The following ATAD3A variants were observed in gnomAD, a reference collection of about 807,000 sequenced individuals.
ATAD3A encodes the protein ATPase family AAA domain-containing protein 3A.
ATAD3A carries 46 observed loss-of-function variants against 73.8 expected under a neutral mutation model. The ratio of observed to expected loss-of-function variants is 0.62; its 90% CI spans 0.49 to 0.80. The LOEUF (loss-of-function observed/expected upper bound fraction) is 0.80. Ranked by LOEUF, ATAD3A falls within the 30% of genes least tolerant of loss-of-function variation. The pLI is 0.00. For synonymous variants in ATAD3A, 319 were observed against 350.0 expected, an observed-to-expected ratio of 0.91 and a Z score of 0.99; for missense variants, 705 against 838.0, an observed-to-expected ratio of 0.84 and a Z score of 1.96.
chr1:1,529,088 G>A lies in ATAD3A; in HGVS notation c.1506-135G>A, dbSNP rs1272177522. 3 of 1,350,324 alleles carry A rather than the reference G, an allele frequency of 2.2e-6. No individual in the cohort carries two copies. The Admixed American group carries it at 6.1e-5, about 28-fold the overall frequency. The allele number at this position is 1,350,324 out of a possible 1,614,324, so 83.6% of individuals were successfully genotyped here. A position where few individuals can be genotyped will look rare whatever the true frequency, so the allele number is the denominator to read the frequency against. On this transcript the variant is annotated intron_variant, in intron 14 of 15. Transcript: ENST00000378756. ...CTGCAGCAGGGAGGATGTGGAGCTG[G>A]GCTGTCAGAAGTAGAGAGCCCCTCC...
rs546652129 is a variant in ATAD3A at position 1,527,976 on chromosome 1, T to G, written c.1505+114T>G. The G allele has an allele frequency of 4.3e-5, 49 of 1,132,024 alleles. No individual in the cohort carries two copies. In the African/African-American group the frequency reaches 7.0e-4, roughly 16 times the overall value. 70.1% of individuals were successfully genotyped at this position (1,132,024 alleles called of 1,614,324 possible). A position where few individuals can be genotyped will look rare whatever the true frequency, so the allele number is the denominator to read the frequency against. ...AACATTCCTTTTTTTTTTTTTTTTT[T>G]GAGACAAAGTCTCATTCTTGTCGCC... On this transcript the variant is annotated intron_variant, in intron 14 of 15. Coordinates refer to ENST00000378756, the MANE Select transcript of ATAD3A (RefSeq NM_001170535.3).
At position 1,524,381 on chromosome 1, in the gene ATAD3A, A is replaced by G. The variant is rs747303116; in HGVS notation, c.1198A>G (p.Asn400Asp). Residue 400 changes from asparagine (N) to aspartate (D), a missense_variant, in exon 11 of 16, where the codon AAT becomes GAT. Asn to Asp is a conservative substitution (Grantham distance 23). Around this residue, in one of 5 missense-constraint regions of ATAD3A, gnomAD observed 252 missense variants for 278.5 expected, o/e 0.90. Transcript: ENST00000378756. ...CATGCACAAGCTCTTTGACTGGGCC[A>G]ATACCAGCCGGCGCGGGTGAGACGT... ...TAMHKLFDWA[N>D]TSRRGLLLFV... The G allele has an allele frequency of 1.2e-6, 2 of 1,608,556 alleles. No individual in the cohort carries two copies. The highest frequency in any genetic ancestry group is 3.4e-5 in the Admixed American group (2 of 59,596).
intron 4 of ATAD3A, 57 bp from the exon 5 acceptor site, chr1:1,518,864 C>T (rs1641484140): frequency 6.2e-7 from 1 of 1,613,908 alleles, no homozygotes; most frequent in Non-Finnish European, 8.5e-7. Flanking sequence ...CCCCCGCACA[C>T]ATGGGCACAG....
chr1:1,515,707 C>G (rs1165967026), intron 1 of ATAD3A, among the ~76,000 whole-genome samples: 1 of 152,226 alleles, frequency 6.6e-6, no homozygotes, highest in Non-Finnish European at 1.5e-5. Flanking sequence ...ACACTTTAGC[C>G]ATCGCCTGAC....
In ATAD3A at chr1:1,529,110, C is replaced by T. The variant is rs1570354900; in HGVS notation, c.1506-113C>T. ...CTGGGCTGTCAGAAGTAGAGAGCCC[C>T]TCCAAAGAGGATGTTTGGCGTGGGT... On this transcript the variant is annotated intron_variant, in intron 14 of 15. Coordinates refer to ENST00000378756, the MANE Select transcript of ATAD3A (RefSeq NM_001170535.3). 4 of 1,494,588 alleles carry T rather than the reference C, an allele frequency of 2.7e-6. No homozygotes were observed. The East Asian group carries it at 7.3e-5, about 27-fold the overall frequency. The allele number at this position is 1,494,588 out of a possible 1,614,324, so 92.6% of individuals were successfully genotyped here.
At chr1:1,525,329 G>A (rs777034561) in intron 12 of ATAD3A, 38 bp downstream of exon 12, 4 of 1,613,182 alleles carry the variant, frequency 2.5e-6, no homozygotes, top group East Asian at 2.2e-5. Flanking sequence ...ATGGGGTGGT[G>A]GGGTGGGCAC....
intron 15 of ATAD3A, among the ~76,000 whole-genome samples, chr1:1,533,427 C>T (rs1642102894): frequency 6.6e-6 from 1 of 152,230 alleles, no homozygotes; most frequent in African/African-American, 2.4e-5. Flanking sequence ...TGCCAGATGC[C>T]AAGCCCTGTG....
chr1:1,518,206 A>C (rs1301694909), intron 4 of ATAD3A, among the ~76,000 whole-genome samples: 4 of 147,918 alleles, frequency 2.7e-5, no homozygotes, highest in Non-Finnish European at 6.0e-5. Context: ...CTGTAAACAC[A>C]CCCCCATACA....
rs377688254 is a variant in ATAD3A, at chr1:1,515,994, G to A, written c.206-18G>A. The A allele has an allele frequency of 1.5e-4, 245 of 1,613,858 alleles. No homozygotes were observed. In the Middle Eastern group the frequency reaches 2.3e-3, roughly 15 times the overall value. Reference sequence around the variant, plus strand: ...CCGTGTATCCTAACACCTGCCCTCCGTGTCCTTGCGTCTGCAGGTTATGCC... The same window carrying A: ...CCGTGTATCCTAACACCTGCCCTCCATGTCCTTGCGTCTGCAGGTTATGCC... On this transcript the variant is annotated intron_variant, in intron 1 of 15. Coordinates refer to ENST00000378756, the MANE Select transcript of ATAD3A (RefSeq NM_001170535.3).
rs1393144047 is a variant in ATAD3A at position 1,529,287 on chromosome 1, G to A, written c.1570G>A (p.Gly524Ser). 1.9e-6 allele frequency: 3 copies of A among 1,606,604 alleles called. No individual in the cohort carries two copies. Among genetic ancestry groups the A allele is most frequent in the African/African-American group, 2.7e-5 (2 of 74,866 alleles). ...CTCGGAGGTCGCTCGGCTGACGGAG[G>A]GCATGTCGGGCCGGGAGATCGCTCA... ...KCSEVARLTE[G>S]MSGREIAQLA... The change falls in exon 15 of 16, where the codon GGC becomes AGC. Residue 524 changes from glycine (G) to serine (S), a missense_variant. Physicochemically the swap from Gly to Ser is moderately conservative, Grantham distance 56. This residue lies in a region of ATAD3A where 252 missense variants were observed against 278.5 expected (regional missense o/e 0.90). Coordinates refer to ENST00000378756, the MANE Select transcript of ATAD3A (RefSeq NM_001170535.3).
intron 4 of ATAD3A, among the ~76,000 whole-genome samples, chr1:1,518,659 G>A (rs1432537855): frequency 7.4e-5 from 1 of 13,556 alleles, no homozygotes; most frequent in African/African-American, 4.4e-4. Context: ...CCCACCCCCC[G>A]CACGGGTACA....
rs1289768633 is a variant in ATAD3A, at chr1:1,516,021, A to G, written c.215A>G (p.Lys72Arg). 6.2e-6 allele frequency: 10 copies of G among 1,613,910 alleles called. No individual in the cohort carries two copies. Among genetic ancestry groups the G allele is most frequent in the Non-Finnish European group, 8.5e-6 (10 of 1,179,944 alleles). ...GTCCTTGCGTCTGCAGGTTATGCCA[A>G]GGACGCCCTGAATCTGGCACAGATG... Reference protein sequence around the residue: ...ARELEHSRYAKDALNLAQMQE... With the variant: ...ARELEHSRYARDALNLAQMQE... The change falls in exon 2 of 16, where the codon AAG (lysine) becomes AGG (arginine). Residue 72 changes from lysine to arginine, a missense_variant. This residue lies in a region of ATAD3A where 125 missense variants were observed against 170.6 expected (regional missense o/e 0.73). Transcript: ENST00000378756.
intron 4 of ATAD3A, among the ~76,000 whole-genome samples, chr1:1,518,689 A>ACACACC (rs1553125142): frequency 7.9e-3 from 674 of 85,236 alleles, no homozygotes; most frequent in Admixed American, 0.029. Context: ...ACACACACAC[A>ACACACC]CCCAAACGGG....
rs1641566863 is a variant in ATAD3A, at chr1:1,520,857, T to C, written c.750+240T>C. Among the ~76,000 whole-genome samples the C allele has an allele frequency of 6.6e-6, 1 of 151,670 alleles. No individual in the cohort carries two copies. The highest frequency in any genetic ancestry group is 2.1e-4 in the South Asian group (1 of 4,796). ...CCCCATCTCTACAAAAAATCAAATA[T>C]TAGCTGGGTGTGGTGGCAGCCCCTG... On this transcript the variant is annotated intron_variant, in intron 7 of 15. Coordinates refer to ENST00000378756, the MANE Select transcript of ATAD3A (RefSeq NM_001170535.3). The surrounding 1 kb of genome is among the most constrained non-coding windows in gnomAD (Gnocchi z 4.0).
chr1:1,526,645 G>C, intron 13 of ATAD3A, 114 bp downstream of exon 13: 1 of 1,557,604 alleles, frequency 6.4e-7, no homozygotes, highest in Non-Finnish European at 8.7e-7. Flanking sequence ...AGCTGCCGTG[G>C]CCTCAACATG....
At chr1:1,529,519 G>A (rs576971250) in intron 15 of ATAD3A, among the ~76,000 whole-genome samples, 188 bp downstream of exon 15, 3 of 152,372 alleles carry the variant, frequency 2.0e-5, no homozygotes, top group Non-Finnish European at 2.9e-5. Flanking sequence ...GCACCTGCTC[G>A]TGCCCTCAGG....
chr1:1,525,321 G>C (rs747166745), intron 12 of ATAD3A, 30 bp downstream of exon 12: 17 of 1,613,432 alleles, frequency 1.1e-5, no homozygotes, highest in Non-Finnish European at 2.5e-6. Context: ...TGGCCACAAT[G>C]GGGTGGTGGG....
chr1:1,518,365 C>A (rs1363337305), intron 4 of ATAD3A, among the ~76,000 whole-genome samples: 1 of 145,686 alleles, frequency 6.9e-6, no homozygotes, highest in African/African-American at 2.5e-5. Flanking sequence ...ACACACAGCC[C>A]CACACACACA....
In ATAD3A at chr1:1,527,699, A is replaced by T; in HGVS notation, c.1342A>T (p.Met448Leu). 6.2e-7 allele frequency: 1 copy of T among 1,610,990 alleles called. No homozygotes were observed. Among genetic ancestry groups the T allele is most frequent in the Non-Finnish European group, 8.5e-7 (1 of 1,178,330 alleles). ...ATCCTCATCCCCGCCCCGCAGGTTC[A>T]TGCTGGTCCTGGCCAGCAACCAACC... is the stretch of plus-strand genomic sequence containing the variant. ...YRTGQHSNKF[M>L]LVLASNQPEQ... is the part of the protein sequence containing the mutation. Residue 448 changes from methionine to leucine, a missense_variant, in exon 14 of 16, where the codon ATG (methionine) becomes TTG (leucine). Around this residue, in one of 5 missense-constraint regions of ATAD3A, gnomAD observed 252 missense variants for 278.5 expected, o/e 0.90. Coordinates refer to ENST00000378756, the MANE Select transcript of ATAD3A (RefSeq NM_001170535.3).
Sources: gnomAD v4.1 joint callset for allele counts (sites outside exome capture counted in the v4.1 genomes callset) on GRCh38, gnomAD v4.1.1 for gene constraint, gnomAD v4.1.1 regional missense constraint, Gnocchi (gnomAD v3.1) non-coding constraint, MANE v1.5 for transcripts, NCBI Gene and HGNC (gene_info 2026-07-23, HGNC 2026-07-21) for gene names.